The following GALNT14 variants were observed in gnomAD, a reference collection of about 807,000 sequenced individuals.
GALNT14 encodes UDP-GalNAc:polypeptide N-acetylgalactosaminyltransferase 14.
GALNT14 carries 60 observed loss-of-function variants against 77.5 expected under a neutral mutation model. The ratio of observed to expected loss-of-function variants is 0.77; its 90% CI spans 0.63 to 0.96. The LOEUF is 0.96. Among genes scored for constraint, GALNT14 ranks in the 40% least tolerant of loss-of-function variants. GALNT14 has a pLI of 0.00. For missense variants in GALNT14, 710 were observed against 731.0 expected (o/e 0.97, Z 0.33); for synonymous variants, 280 against 281.7 (o/e 0.99, Z 0.06).
At chr2:31,010,679 C>T (rs1159109786) in intron 1 of GALNT14, among the ~76,000 whole-genome samples, 1 of 152,194 alleles carries the variant, frequency 6.6e-6, no homozygotes, top group African/African-American at 2.4e-5. Flanking sequence ...TCCCACTGCA[C>T]TCAGAATGCT....
At chr2:31,126,064 C>G (rs1005128092) in intron 1 of GALNT14, among the ~76,000 whole-genome samples, 21 of 152,204 alleles carry the variant, frequency 1.4e-4, no homozygotes, top group African/African-American at 4.8e-4. Flanking sequence ...GGACAGCATT[C>G]ATAAGGGGAT....
intron 1 of GALNT14, among the ~76,000 whole-genome samples, chr2:31,034,315 T>C (rs1041460077): frequency 3.9e-5 from 6 of 152,254 alleles, no homozygotes; most frequent in Non-Finnish European, 7.3e-5. Flanking sequence ...TAGCTACTTA[T>C]AGTGCATCTG....
intron 1 of GALNT14, among the ~76,000 whole-genome samples, chr2:31,061,698 T>C (rs1431439135): frequency 6.6e-6 from 1 of 152,162 alleles, no homozygotes; most frequent in Non-Finnish European, 1.5e-5. Flanking sequence ...CAGACCACTG[T>C]GCAACCTCAA....
the GALNT14 span, among the ~76,000 whole-genome samples, chr2:30,887,269 CTA>C: frequency 6.6e-6 from 1 of 152,100 alleles, no homozygotes. Context: ...AATGGTAACT[CTA>C]TGTTTAACTT....
chr2:31,068,546 T>C (rs1448465190), intron 1 of GALNT14, among the ~76,000 whole-genome samples: 7 of 148,972 alleles, frequency 4.7e-5, no homozygotes, highest in Admixed American at 4.0e-4. Flanking sequence ...GAAAGGTCCA[T>C]AACTAATAGC....
intron 11 of GALNT14, among the ~76,000 whole-genome samples, chr2:30,929,096 C>G (rs1665561344): frequency 6.6e-6 from 1 of 152,170 alleles, no homozygotes; most frequent in African/African-American, 2.4e-5. Context: ...GCTGTCTAGT[C>G]CTGCCTCCTT....
Position 30,929,482 on chromosome 2 carries a change from G to C in GALNT14, c.1064C>G (p.Thr355Ser), listed in dbSNP as rs201724295. 9 of 1,613,582 alleles carry C rather than the reference G, an allele frequency of 5.6e-6. No homozygotes were observed. Among genetic ancestry groups the C allele is most frequent in the South Asian group, 1.1e-5 (1 of 91,002 alleles). The change falls in exon 11 of 15, where the codon ACC (threonine) becomes AGC (serine). Residue 355 changes from threonine to serine, a missense_variant. Thr to Ser is a moderately conservative substitution (Grantham distance 58). Transcript: ENST00000349752. ...DGNANTYIKN[T>S]KRTAEVWMDE... is the part of the protein sequence containing the mutation. Reference sequence around the variant, plus strand: ...CATCCACACTTCAGCTGTCCGCTTGGTGTTCCTGGGAAAACAAGGAGTGAC... The same window carrying C: ...CATCCACACTTCAGCTGTCCGCTTGCTGTTCCTGGGAAAACAAGGAGTGAC...
At chr2:31,089,864 T>A (rs1676645979) in intron 1 of GALNT14, among the ~76,000 whole-genome samples, 1 of 152,146 alleles carries the variant, frequency 6.6e-6, no homozygotes, top group Non-Finnish European at 1.5e-5. Context: ...AGAGGGAGCT[T>A]GTTCTCAAAG....
At chr2:31,103,842 T>A (rs1172824916) in intron 1 of GALNT14, among the ~76,000 whole-genome samples, 1 of 152,132 alleles carries the variant, frequency 6.6e-6, no homozygotes, top group Non-Finnish European at 1.5e-5. Flanking sequence ...AGTTTTACAG[T>A]TAAAAATATT....
chr2:31,092,452 G>C (rs932905963), intron 1 of GALNT14, among the ~76,000 whole-genome samples: 1 of 151,970 alleles, frequency 6.6e-6, no homozygotes, highest in African/African-American at 2.4e-5. Context: ...ATTTTGTGGA[G>C]ACACAAATAT....
At chr2:30,956,272 C>G (rs1667364163) in intron 4 of GALNT14, among the ~76,000 whole-genome samples, 3 of 152,330 alleles carry the variant, frequency 2.0e-5, no homozygotes, top group Admixed American at 6.5e-5. Context: ...GGTGGAAAAT[C>G]TTGGCCTAGT....
intron 1 of GALNT14, among the ~76,000 whole-genome samples, chr2:31,063,311 T>C (rs539981339): frequency 8.5e-4 from 129 of 152,346 alleles, no homozygotes; most frequent in African/African-American, 2.9e-3. Flanking sequence ...ATTTATCAAA[T>C]AGGGAATCCT....
chr2:31,029,068 C>A lies in GALNT14; in HGVS notation c.130-36061G>T, dbSNP rs201310619. ...AGCCCCCATTTCTCAAACTGCCCCA[C>A]CCAACAAGAACTCTAACGCGTGCAG... is the stretch of plus-strand genomic sequence containing the variant. On this transcript the variant is annotated intron_variant, in intron 1 of 14. Coordinates refer to ENST00000349752, the MANE Select transcript of GALNT14 (RefSeq NM_024572.4). Among the ~76,000 whole-genome samples the A allele has an allele frequency of 2.6e-5, 4 of 152,114 alleles. No individual in the cohort carries two copies. In the East Asian group the frequency reaches 7.7e-4, roughly 29 times the overall value.
At chr2:31,099,952 A>G (rs1178023126) in intron 1 of GALNT14, among the ~76,000 whole-genome samples, 3 of 152,086 alleles carry the variant, frequency 2.0e-5, no homozygotes, top group Non-Finnish European at 2.9e-5. Flanking sequence ...TGTTTGATTT[A>G]TAAATTAACT....
At chr2:31,034,140 G>A (rs1220508601) in intron 1 of GALNT14, among the ~76,000 whole-genome samples, 1 of 152,136 alleles carries the variant, frequency 6.6e-6, no homozygotes, top group Admixed American at 6.5e-5. Flanking sequence ...TGACTTCTCA[G>A]ACCAAAGGTC....
chr2:31,014,038 A>G (rs1053938361), intron 1 of GALNT14, among the ~76,000 whole-genome samples: 9 of 152,240 alleles, frequency 5.9e-5, no homozygotes, highest in African/African-American at 2.2e-4. Flanking sequence ...ATGCTCTGAC[A>G]CTGGCTCCAC....
At chr2:30,928,900 C>T (rs1269655013) in intron 11 of GALNT14, among the ~76,000 whole-genome samples, 3 of 152,200 alleles carry the variant, frequency 2.0e-5, no homozygotes, top group Non-Finnish European at 4.4e-5. Context: ...CAGGTGTGAG[C>T]CACCACGCCA....
chr2:31,121,426 A>G (rs559859104), intron 1 of GALNT14, among the ~76,000 whole-genome samples: 1 of 152,356 alleles, frequency 6.6e-6, no homozygotes, highest in African/African-American at 2.4e-5. Context: ...AGCAATGGAC[A>G]TACTATAGAC....
intron 2 of GALNT14, among the ~76,000 whole-genome samples, chr2:30,975,865 C>T (rs1176823336): frequency 6.6e-6 from 1 of 152,140 alleles, no homozygotes; most frequent in Non-Finnish European, 1.5e-5. Context: ...TTACCATCAT[C>T]ATCATTTCAA....
Sources: gnomAD v4.1 joint callset for allele counts (sites outside exome capture counted in the v4.1 genomes callset) on GRCh38, gnomAD v4.1.1 for gene constraint, MANE v1.5 for transcripts, NCBI Gene and HGNC (gene_info 2026-07-23, HGNC 2026-07-21) for gene names.